Variants in LDAH observed in about 807,000 individuals in gnomAD.
LDAH encodes the protein lipid droplet-associated hydrolase.
A neutral mutation model predicts 29.6 loss-of-function variants in LDAH; 26 were observed. The ratio of observed to expected loss-of-function variants is 0.88; its 90% confidence interval spans 0.64 to 1.22. The LOEUF (loss-of-function observed/expected upper bound fraction) is 1.22, where lower values mean the gene tolerates loss of function less well. Ranked by LOEUF, LDAH falls within the 50% of genes most tolerant of loss-of-function variation. The pLI, the probability that LDAH is intolerant of heterozygous loss-of-function variation, is 0.00. For synonymous variants in LDAH, 117 were observed against 133.0 expected (o/e 0.88, Z 0.83); for missense variants, 344 against 387.3 (o/e 0.89, Z 0.94).
intron 3 of LDAH, among the ~76,000 whole-genome samples, chr2:20,787,625 G>A (rs894389190): frequency 6.6e-6 from 1 of 152,106 alleles, no homozygotes; most frequent in Non-Finnish European, 1.5e-5. Context: ...GGAGAGAAGT[G>A]ACAAACTCCA....
intron 3 of LDAH, among the ~76,000 whole-genome samples, chr2:20,779,419 G>A (rs1290312048): frequency 5.9e-5 from 9 of 151,848 alleles, no homozygotes; most frequent in Non-Finnish European, 1.0e-4. Flanking sequence ...CATAGCACAC[G>A]TATACCTATG....
rs562379576 is a variant in LDAH at position 20,685,982 on chromosome 2, G to C, written c.*921C>G. The C allele has an allele frequency of 1.1e-3, 248 of 219,288 alleles. 2 individuals are homozygous for C. Among genetic ancestry groups the C allele is most frequent in the African/African-American group, 5.4e-3 (236 of 43,380 alleles). 13.6% of individuals were successfully genotyped at this position (219,288 alleles called of 1,614,324 possible). ...TCACTAGAAGATTTCCAGAAGAAAA[G>C]AATCATTAAGTAGCTAAGAACTCCA... On this transcript the variant is annotated 3_prime_UTR_variant, in exon 7 of 7. Transcript: ENST00000237822.
chr2:20,708,230 C>T (rs771010977), intron 5 of LDAH, among the ~76,000 whole-genome samples: 4 of 152,270 alleles, frequency 2.6e-5, no homozygotes, highest in South Asian at 4.1e-4. Flanking sequence ...TCCACAAAAC[C>T]GGTCCCTGGT....
chr2:20,765,201 T>C (rs1668945455), intron 4 of LDAH, among the ~76,000 whole-genome samples: 1 of 152,214 alleles, frequency 6.6e-6, no homozygotes, highest in Non-Finnish European at 1.5e-5. Context: ...TTGTCTTTCA[T>C]TTTCGACATC....
rs533796067 is a variant in LDAH at position 20,800,227 on chromosome 2, GAA to G, written c.154+1081_154+1082del. Among the ~76,000 whole-genome samples the G allele has an allele frequency of 9.8e-5, 15 of 152,324 alleles. No individual in the cohort carries two copies. In the South Asian group the frequency reaches 2.9e-3, roughly 29 times the overall value. On this transcript the variant is annotated intron_variant, in intron 2 of 6. Transcript: ENST00000237822. Reference sequence around the variant, plus strand: ...CTCTCTAAGAAACTCATAAAACCCTGAAGTCTTAAAGGAAGAGACTTAGCATT... The same window carrying G: ...CTCTCTAAGAAACTCATAAAACCCTGGTCTTAAAGGAAGAGACTTAGCATT...
intron 2 of LDAH, among the ~76,000 whole-genome samples, chr2:20,800,353 A>G (rs1671577063): frequency 6.6e-6 from 1 of 152,270 alleles, no homozygotes; most frequent in Non-Finnish European, 1.5e-5. Flanking sequence ...TATGACAGAT[A>G]TAACACAATT....
At chr2:20,758,415 G>A (rs570678551) in intron 4 of LDAH, among the ~76,000 whole-genome samples, 1 of 152,282 alleles carries the variant, frequency 6.6e-6, no homozygotes, top group East Asian at 1.9e-4. Flanking sequence ...TGTAACAGAT[G>A]AGTTTAAAGG....
intron 4 of LDAH, among the ~76,000 whole-genome samples, chr2:20,763,450 T>TG (rs1668820907): frequency 6.6e-6 from 1 of 152,166 alleles, no homozygotes; most frequent in Non-Finnish European, 1.5e-5. Context: ...CCCCACCCCT[T>TG]GGGGTGAAGA....
At chr2:20,712,199 A>G (rs924370745) in intron 5 of LDAH, among the ~76,000 whole-genome samples, 2 of 152,190 alleles carry the variant, frequency 1.3e-5, no homozygotes. Context: ...TCAGGCAGCA[A>G]TATTTGCTGT....
chr2:20,717,929 GA>G (rs1665341700), intron 5 of LDAH, among the ~76,000 whole-genome samples: 2 of 152,166 alleles, frequency 1.3e-5, no homozygotes, highest in African/African-American at 4.8e-5. Flanking sequence ...GGGACTACAG[GA>G]GTGCTTACAA....
At chr2:20,775,564 T>C (rs1669756635) in intron 3 of LDAH, among the ~76,000 whole-genome samples, 1 of 152,214 alleles carries the variant, frequency 6.6e-6, no homozygotes, top group Non-Finnish European at 1.5e-5. Flanking sequence ...GTCCATGACA[T>C]GACTTAATTA....
chr2:20,711,152 G>A (rs981452514), intron 5 of LDAH, among the ~76,000 whole-genome samples: 14 of 152,212 alleles, frequency 9.2e-5, no homozygotes, highest in Admixed American at 8.5e-4. Context: ...ACTTTGGGAG[G>A]CTGAGACGGG....
chr2:20,729,606 C>G (rs1666257640), intron 5 of LDAH, among the ~76,000 whole-genome samples: 1 of 152,134 alleles, frequency 6.6e-6, no homozygotes, highest in South Asian at 2.1e-4. Context: ...GAACACCTAT[C>G]CCAGGGAGGA....
At chr2:20,717,733 T>C (rs1665325512) in intron 5 of LDAH, among the ~76,000 whole-genome samples, 1 of 152,242 alleles carries the variant, frequency 6.6e-6, no homozygotes, top group South Asian at 2.1e-4. Flanking sequence ...TGTTTTGTAT[T>C]TGTTTCTTTT....
At chr2:20,803,545 T>C (rs1199844667) in intron 1 of LDAH, among the ~76,000 whole-genome samples, 4 of 152,192 alleles carry the variant, frequency 2.6e-5, no homozygotes, top group Admixed American at 2.0e-4. Context: ...TCCAACTCCT[T>C]CTACTAACTA....
chr2:20,746,616 A>G (rs1168772561), intron 4 of LDAH, among the ~76,000 whole-genome samples: 9 of 152,240 alleles, frequency 5.9e-5, no homozygotes, highest in African/African-American at 2.2e-4. Flanking sequence ...TGATAATTTC[A>G]ATGAAATTTG....
At chr2:20,777,784 T>C (rs1480739456) in intron 3 of LDAH, among the ~76,000 whole-genome samples, 2 of 152,204 alleles carry the variant, frequency 1.3e-5, no homozygotes, top group African/African-American at 4.8e-5. Context: ...GTTAAAAGAC[T>C]ATATACTTGA....
chr2:20,697,950 C>T (rs929209457), intron 6 of LDAH, among the ~76,000 whole-genome samples: 1 of 152,086 alleles, frequency 6.6e-6, no homozygotes, highest in East Asian at 1.9e-4. Context: ...AAACATTATA[C>T]TTATCATTAC....
intron 5 of LDAH, among the ~76,000 whole-genome samples, chr2:20,711,331 GC>G (rs549650972): frequency 9.4e-4 from 143 of 151,740 alleles, no homozygotes; most frequent in African/African-American, 3.3e-3. Flanking sequence ...CTTGAAGTGG[GC>G]CGAGATTGCG....
Sources: allele counts gnomAD v4.1 joint callset (sites outside exome capture counted in the v4.1 genomes callset), GRCh38; gene constraint gnomAD v4.1.1; transcripts MANE v1.5; gene names NCBI Gene and HGNC (gene_info 2026-07-23, HGNC 2026-07-21).